The following MDGA2 variants were observed in gnomAD, a reference collection of about 807,000 sequenced individuals.
The protein encoded by MDGA2 is MAM domain-containing glycosylphosphatidylinositol anchor protein 2.
In MDGA2, 40 loss-of-function variants were observed where a neutral mutation model predicts 117.8. That is an observed-to-expected ratio of 0.34 (90% CI 0.26 to 0.44). The LOEUF is 0.44. Ranked by LOEUF, MDGA2 falls within the 20% of genes least tolerant of loss-of-function variation. MDGA2 has a pLI of 1.00. For missense variants in MDGA2, 1,123 were observed against 1,250.6 expected (o/e 0.90, Z 1.54); for synonymous variants, 452 against 439.0 (o/e 1.03, Z -0.37).
At chr14:46,905,159 ATAAGT>A (rs1213067806) in intron 10 of MDGA2, among the ~76,000 whole-genome samples, 3 of 152,150 alleles carry the variant, frequency 2.0e-5, no homozygotes, top group Non-Finnish European at 4.4e-5. Context: ...TTCCCATGAG[ATAAGT>A]TAAGTCCTTA....
chr14:47,322,511 G>A (rs1000734441), intron 1 of MDGA2, among the ~76,000 whole-genome samples: 25 of 152,090 alleles, frequency 1.6e-4, no homozygotes, highest in African/African-American at 5.3e-4. Context: ...ACAATCTGAC[G>A]AGGAGATACA....
intron 10 of MDGA2, among the ~76,000 whole-genome samples, chr14:46,893,329 T>C (rs1427822752): frequency 6.6e-6 from 1 of 151,450 alleles, no homozygotes; most frequent in African/African-American, 2.4e-5. Context: ...AAATAGAACA[T>C]GGAAAAATGG....
At chr14:47,454,475 C>A (rs113730156) in intron 1 of MDGA2, among the ~76,000 whole-genome samples, 1 of 152,154 alleles carries the variant, frequency 6.6e-6, no homozygotes, top group African/African-American at 2.4e-5. Context: ...GGACCAAAAT[C>A]ATCTACAAGC....
intron 1 of MDGA2, among the ~76,000 whole-genome samples, chr14:47,458,798 A>G (rs1031474686): frequency 6.6e-6 from 1 of 151,742 alleles, no homozygotes; most frequent in Non-Finnish European, 1.5e-5. Context: ...ACAAGAAAAA[A>G]TTTTCTAACT....
chr14:46,934,290 T>C (rs12884323), intron 9 of MDGA2, among the ~76,000 whole-genome samples: 71,923 of 151,816 alleles, frequency 0.47, 17,937 homozygotes, highest in South Asian at 0.58. Flanking sequence ...TTATAAATTA[T>C]TCTTTTATAA....
chr14:47,470,069 T>A (rs1274668264), intron 1 of MDGA2, among the ~76,000 whole-genome samples: 9 of 152,004 alleles, frequency 5.9e-5, no homozygotes, highest in Non-Finnish European at 4.4e-5. Flanking sequence ...TTGTGAGGCT[T>A]CCTGTGGGAT....
intron 1 of MDGA2, among the ~76,000 whole-genome samples, chr14:47,368,342 A>G (rs1891275184): frequency 6.6e-6 from 1 of 152,158 alleles, no homozygotes; most frequent in Admixed American, 6.6e-5. Context: ...TGAATCTGGA[A>G]CTGAAAGAAA....
intron 14 of MDGA2, among the ~76,000 whole-genome samples, chr14:46,869,004 C>A (rs1182460269): frequency 6.6e-6 from 1 of 152,014 alleles, no homozygotes; most frequent in African/African-American, 2.4e-5. Context: ...ACAGCCAGAG[C>A]TCTAAATTCC....
intron 1 of MDGA2, among the ~76,000 whole-genome samples, chr14:47,427,454 A>G (rs1425055109): frequency 6.6e-6 from 1 of 152,134 alleles, no homozygotes; most frequent in African/African-American, 2.4e-5. Context: ...AGTACTCACC[A>G]ATTTGATCAG....
At chr14:47,487,809 A>C (rs976508820) in intron 1 of MDGA2, among the ~76,000 whole-genome samples, 1 of 152,162 alleles carries the variant, frequency 6.6e-6, no homozygotes, top group African/African-American at 2.4e-5. Flanking sequence ...ATTTTCCAAG[A>C]ATTATTCCTT....
intron 2 of MDGA2, among the ~76,000 whole-genome samples, chr14:47,244,672 G>C (rs770209965): frequency 6.6e-6 from 1 of 151,736 alleles, no homozygotes; most frequent in South Asian, 2.1e-4. Context: ...TGTTGTCTAG[G>C]TTATAGTACA....
At position 46,840,949 on chromosome 14, in the gene MDGA2, C is replaced by T. The variant is rs548642298; in HGVS notation, c.*982G>A. On this transcript the variant is annotated 3_prime_UTR_variant, in exon 17 of 17. Transcript: ENST00000399232. ...CAAATATCTTGTCTGCATGGGCTTA[C>T]GCAGCAGCTTCGGTCCTTTCTTCTT... 2.0e-5 allele frequency: 3 copies of T among 152,690 alleles called. No homozygotes were observed. The highest frequency in any genetic ancestry group is 6.5e-5 in the Admixed American group (1 of 15,270). 9.5% of individuals were successfully genotyped at this position (152,690 alleles called of 1,614,324 possible).
In MDGA2 at chr14:47,061,419, G is replaced by C. The variant is rs376644289; in HGVS notation, c.1355C>G (p.Ser452Cys). Residue 452 changes from serine (S) to cysteine (C), a missense_variant, in exon 7 of 17, where the codon TCT becomes TGT. Ser to Cys is a moderately radical substitution (Grantham distance 112). Coordinates refer to ENST00000399232, the MANE Select transcript of MDGA2 (RefSeq NM_001113498.3). ...AGTCTGTGTAATGACCATCCGCTCA[G>C]AACTTCTTAATGGACGACCATTTTT... ...WFKNGRPLRS[S>C]ERMVITQTDP... is the part of the protein sequence containing the mutation. The C allele has an allele frequency of 6.2e-7, 1 of 1,613,540 alleles. No homozygotes were observed. The highest frequency in any genetic ancestry group is 1.3e-5 in the African/African-American group (1 of 74,886).
chr14:47,061,122 C>T (rs2138784235), intron 7 of MDGA2, 127 bp downstream of exon 7: 1 of 745,400 alleles, frequency 1.3e-6, no homozygotes. Flanking sequence ...GCATTCAGAA[C>T]ATTATAATTT....
chr14:47,480,134 T>C (rs1208823926), intron 1 of MDGA2, among the ~76,000 whole-genome samples: 2 of 152,106 alleles, frequency 1.3e-5, no homozygotes, highest in East Asian at 3.9e-4. Context: ...TTTTCCTTAA[T>C]ATTTATTTAA....
chr14:47,470,027 G>A (rs985781783), intron 1 of MDGA2, among the ~76,000 whole-genome samples: 35 of 152,092 alleles, frequency 2.3e-4, no homozygotes, highest in Non-Finnish European at 2.5e-4. Context: ...TCACTGTAAG[G>A]TCAGCTCCAT....
chr14:47,308,758 G>A (rs1889540790), intron 1 of MDGA2, among the ~76,000 whole-genome samples: 1 of 151,660 alleles, frequency 6.6e-6, no homozygotes, highest in South Asian at 2.1e-4. Flanking sequence ...TAGAAATAAT[G>A]ATAACACATT....
At chr14:47,167,912 A>C (rs1883951918) in intron 3 of MDGA2, among the ~76,000 whole-genome samples, 1 of 152,174 alleles carries the variant, frequency 6.6e-6, no homozygotes, top group African/African-American at 2.4e-5. Flanking sequence ...ACTTAATTGC[A>C]TTTCAACCAC....
At chr14:47,242,598 C>A (rs993527457) in intron 2 of MDGA2, among the ~76,000 whole-genome samples, 7 of 151,826 alleles carry the variant, frequency 4.6e-5, no homozygotes, top group African/African-American at 1.7e-4. Flanking sequence ...CCAGTGGCTG[C>A]GGAGGGTGTA....
Sources: gnomAD v4.1 joint callset for allele counts (sites outside exome capture counted in the v4.1 genomes callset) on GRCh38, gnomAD v4.1.1 for gene constraint, MANE v1.5 for transcripts, NCBI Gene and HGNC (gene_info 2026-07-23, HGNC 2026-07-21) for gene names.